Variants in MACROD1 observed in about 807,000 individuals in gnomAD.
The protein encoded by MACROD1 is ADP-ribose glycohydrolase MACROD1.
Under a neutral mutation model 41.4 loss-of-function variants are expected in MACROD1, and 31 were observed. The ratio of observed to expected loss-of-function variants is 0.75; its 90% confidence interval spans 0.56 to 1.01. The LOEUF is 1.01. Ranked by LOEUF, MACROD1 falls within the 50% of genes least tolerant of loss-of-function variation. The probability of loss-of-function intolerance (pLI) is 0.00; values close to 1 mark genes in which losing one functional copy is unlikely to be tolerated. For missense variants in MACROD1, 473 were observed against 460.0 expected (o/e 1.03, Z -0.26); for synonymous variants, 252 against 203.4 (o/e 1.24, Z -2.03).
At chr11:64,116,667 C>G (rs752709674) in intron 3 of MACROD1, 24 of 1,613,896 alleles carry the variant, frequency 1.5e-5, no homozygotes, top group Non-Finnish European at 1.9e-5. Flanking sequence ...GGAGCTGCAC[C>G]TGCAGGACAA....
At chr11:64,089,562 G>C (rs540517418) in intron 3 of MACROD1, among the ~76,000 whole-genome samples, 2 of 152,212 alleles carry the variant, frequency 1.3e-5, no homozygotes, top group Non-Finnish European at 2.9e-5. Flanking sequence ...CTGCCGGGTC[G>C]GCAGCCACGG....
At chr11:64,010,421 A>G (rs1362431917) in intron 4 of MACROD1, among the ~76,000 whole-genome samples, 2 of 72,438 alleles carry the variant, frequency 2.8e-5, no homozygotes, top group African/African-American at 1.1e-4. Context: ...GTGTTGGTTG[A>G]GATGTTGGCT....
At chr11:64,074,342 G>A (rs74443858) in intron 3 of MACROD1, among the ~76,000 whole-genome samples, 10,576 of 152,250 alleles carry the variant, frequency 0.069, 433 homozygotes, top group South Asian at 0.14. Context: ...CCCGCTCTGG[G>A]AGGATTTCCC....
rs371239175 is a variant in MACROD1 at position 64,148,945 on chromosome 11, G to A, written c.517+2294C>T. ...GCCCTGGACGGCTGAAAGGAGACTC[G>A]GGCTCTGTGTGGGAAGCCCGTGTTC... On this transcript the variant is annotated intron_variant, in intron 3 of 10. Coordinates refer to ENST00000255681, the MANE Select transcript of MACROD1 (RefSeq NM_014067.4). 30 of 985,264 alleles carry A rather than the reference G, an allele frequency of 3.0e-5. No homozygotes were observed. In the African/African-American group the frequency reaches 4.4e-4, roughly 14 times the overall value. 61.0% of individuals were successfully genotyped at this position (985,264 alleles called of 1,614,324 possible). A position where few individuals can be genotyped will look rare whatever the true frequency, so the allele number is the denominator to read the frequency against.
intron 1 of MACROD1, among the ~76,000 whole-genome samples, chr11:64,157,967 G>A (rs1243213519): frequency 6.6e-6 from 1 of 152,192 alleles, no homozygotes; most frequent in Non-Finnish European, 1.5e-5. Context: ...GCACCTTGGA[G>A]CCCCTCTCCT....
At chr11:64,139,123 C>A (rs912668915) in intron 3 of MACROD1, among the ~76,000 whole-genome samples, 1 of 152,270 alleles carries the variant, frequency 6.6e-6, no homozygotes, top group East Asian at 1.9e-4. Flanking sequence ...GTGGAGGAAG[C>A]CGCCAGTGAC....
chr11:64,017,779 C>T (rs371430941), intron 3 of MACROD1, among the ~76,000 whole-genome samples: 2 of 152,160 alleles, frequency 1.3e-5, no homozygotes, highest in African/African-American at 2.4e-5. Context: ...TCGGGACCCC[C>T]CCACCTCCCC....
rs776659433 is a variant in MACROD1, at chr11:63,999,576, TGA to T, written c.787-18_787-17del. On this transcript the variant is annotated splice_polypyrimidine_tract_variant and intron_variant, in intron 6 of 10. Coordinates refer to ENST00000255681, the MANE Select transcript of MACROD1 (RefSeq NM_014067.4). ...AGGGGAACGCCTGGGCGGGGAGGGG[TGA>T]GAGGGGGTTGGAACATTGTCACTGC... 68 of 1,608,634 alleles carry T rather than the reference TGA, an allele frequency of 4.2e-5. No individual in the cohort carries two copies. Among genetic ancestry groups the T allele is most frequent in the Middle Eastern group, 1.7e-4 (1 of 6,018 alleles).
intron 3 of MACROD1, among the ~76,000 whole-genome samples, chr11:64,065,614 C>G (rs531758454): frequency 1.8e-5 from 2 of 112,298 alleles, no homozygotes; most frequent in East Asian, 4.0e-4. Flanking sequence ...ACGGTGAAAC[C>G]CAGTCTCTAC....
At chr11:64,028,608 G>C (rs1943253108) in intron 3 of MACROD1, among the ~76,000 whole-genome samples, 2 of 152,186 alleles carry the variant, frequency 1.3e-5, no homozygotes, top group Non-Finnish European at 2.9e-5. Context: ...ATCCCTCCTC[G>C]GCAGCGGCAG....
intron 3 of MACROD1, among the ~76,000 whole-genome samples, chr11:64,044,153 C>G (rs573029995): frequency 6.6e-6 from 1 of 152,208 alleles, no homozygotes; most frequent in Non-Finnish European, 1.5e-5. Context: ...TCGTAACCCC[C>G]TCAGCCTACA....
chr11:64,031,449 AGCCT>A lies in MACROD1; in HGVS notation c.518-16172_518-16169del, dbSNP rs72360895. Among the ~76,000 whole-genome samples, 491 of 143,882 alleles carry A rather than the reference AGCCT, an allele frequency of 3.4e-3. 6 individuals carry two copies. The highest frequency in any genetic ancestry group is 0.01 in the African/African-American group (399 of 38,208). 94.4% of individuals were successfully genotyped at this position (143,882 alleles called of 152,430 possible). ...GAACTTGGATCAGAGAAGCTGCTGG[AGCCT>A]GCCTGCCTGCCTGCCTGCCTTCCTT... On this transcript the variant is annotated intron_variant, in intron 3 of 10. Transcript: ENST00000255681.
chr11:64,043,814 CTTT>C (rs113497225), intron 3 of MACROD1, among the ~76,000 whole-genome samples: 1 of 144,522 alleles, frequency 6.9e-6, no homozygotes, highest in Non-Finnish European at 1.5e-5. Flanking sequence ...GACATGGCAT[CTTT>C]TTTTTTTTTT....
chr11:64,095,851 G>T (rs978849974), intron 3 of MACROD1, among the ~76,000 whole-genome samples: 3 of 152,336 alleles, frequency 2.0e-5, no homozygotes, highest in Middle Eastern at 3.4e-3. Flanking sequence ...ATGGAGGAGC[G>T]CGAGGCTGAG....
At chr11:64,002,229 G>A (rs1942837587) in intron 4 of MACROD1, among the ~76,000 whole-genome samples, 1 of 152,194 alleles carries the variant, frequency 6.6e-6, no homozygotes, top group African/African-American at 2.4e-5. Flanking sequence ...ACCTGGCACC[G>A]GCTGCTCGAA....
chr11:64,055,075 A>G lies in MACROD1; in HGVS notation c.518-39794T>C, dbSNP rs1027772349. 4.6e-5 allele frequency among the ~76,000 whole-genome samples: 7 copies of G among 151,924 alleles called. No homozygotes were observed. The South Asian group carries it at 1.5e-3, about 32-fold the overall frequency. On this transcript the variant is annotated intron_variant, in intron 3 of 10. Transcript: ENST00000255681. ...CCAGGAAGCCTTCCTAGATCCCCCCAGCCTGGTCCAGAAGGTGACCCTCAT... is the reference window on the plus strand; with the variant it reads ...CCAGGAAGCCTTCCTAGATCCCCCCGGCCTGGTCCAGAAGGTGACCCTCAT...
chr11:64,111,660 G>T (rs987445901), intron 3 of MACROD1, among the ~76,000 whole-genome samples: 1 of 152,200 alleles, frequency 6.6e-6, no homozygotes, highest in Admixed American at 6.5e-5. Flanking sequence ...GTGAAGGGGG[G>T]TGGGTGAGGT....
intron 3 of MACROD1, among the ~76,000 whole-genome samples, chr11:64,145,838 C>T (rs1945487633): frequency 1.3e-5 from 2 of 151,882 alleles, no homozygotes. Context: ...GGCACAATCT[C>T]GGCTCACCGC....
intron 3 of MACROD1, among the ~76,000 whole-genome samples, chr11:64,088,112 G>A (rs1944426393): frequency 6.6e-6 from 1 of 152,194 alleles, no homozygotes; most frequent in Non-Finnish European, 1.5e-5. Flanking sequence ...CCACCCCAGG[G>A]CCCCAGGAGT....
Sources: gnomAD v4.1 joint callset for allele counts (sites outside exome capture counted in the v4.1 genomes callset) on GRCh38, gnomAD v4.1.1 for gene constraint, MANE v1.5 for transcripts, NCBI Gene and HGNC (gene_info 2026-07-23, HGNC 2026-07-21) for gene names.